Variants in KCNJ6 observed in about 807,000 individuals in gnomAD.
KCNJ6 encodes the protein potassium inwardly rectifying channel subfamily J member 6, also known as G protein-activated inward rectifier potassium channel 2.
Under a neutral mutation model 34.2 loss-of-function variants are expected in KCNJ6, and 9 were observed. The observed-to-expected ratio is 0.26, with a 90% CI of 0.16 to 0.46. KCNJ6 has a LOEUF of 0.46. Among genes scored for constraint, KCNJ6 ranks in the 20% least tolerant of loss-of-function variants. KCNJ6 has a pLI of 1.00. For synonymous variants in KCNJ6, 196 were observed against 207.1 expected (o/e 0.95, Z 0.46); for missense variants, 236 against 531.3 (o/e 0.44, Z 5.46).
At chr21:37,729,003 G>C (rs554741164) in intron 2 of KCNJ6, among the ~76,000 whole-genome samples, 7 of 152,262 alleles carry the variant, frequency 4.6e-5, no homozygotes, top group African/African-American at 1.7e-4. Context: ...GTTGTGACTA[G>C]GGGAGACTAT....
At chr21:37,705,522 C>T (rs1266455582) in intron 3 of KCNJ6, among the ~76,000 whole-genome samples, 2 of 152,190 alleles carry the variant, frequency 1.3e-5, no homozygotes, top group East Asian at 3.8e-4. Flanking sequence ...ATCATAGTGT[C>T]ACTCTCTTAA....
chr21:37,647,049 C>T (rs920702125), intron 3 of KCNJ6, among the ~76,000 whole-genome samples: 6 of 152,156 alleles, frequency 3.9e-5, no homozygotes, highest in South Asian at 4.2e-4. Context: ...ATCAGAGCGA[C>T]GGGGAGGGAT....
chr21:37,719,993 C>CTT (rs2054816203), intron 2 of KCNJ6, among the ~76,000 whole-genome samples: 1 of 151,822 alleles, frequency 6.6e-6, no homozygotes, highest in South Asian at 2.1e-4. Context: ...TTTTTAATGT[C>CTT]GTGGGGAAAA....
chr21:37,720,364 C>G (rs2054818673), intron 2 of KCNJ6, among the ~76,000 whole-genome samples: 1 of 152,106 alleles, frequency 6.6e-6, no homozygotes, highest in Admixed American at 6.5e-5. Context: ...AAAATCGTAA[C>G]TAAACCCTAC....
intron 2 of KCNJ6, among the ~76,000 whole-genome samples, chr21:37,786,444 T>A (rs2055193006): frequency 6.6e-6 from 1 of 152,206 alleles, no homozygotes; most frequent in Non-Finnish European, 1.5e-5. Context: ...ATTCCATGAA[T>A]GTGGCTTAGA....
chr21:37,798,865 A>C (rs963675725), intron 2 of KCNJ6, among the ~76,000 whole-genome samples: 2 of 152,054 alleles, frequency 1.3e-5, no homozygotes, highest in African/African-American at 4.8e-5. Flanking sequence ...CACCTAAACC[A>C]CTGAATTGTA....
chr21:37,695,930 G>A lies in KCNJ6; in HGVS notation c.946+18281C>T. ...AATGATTATGTTCAAAGGGCAAAGA[G>A]CCACTAGAAAGGGATCCCACTGGCC... On this transcript the variant is annotated intron_variant, in intron 3 of 3. Transcript: ENST00000609713. The surrounding 1 kb of genome is among the most constrained non-coding windows in gnomAD (Gnocchi z 4.2). 6.6e-6 allele frequency among the ~76,000 whole-genome samples: 1 copy of A among 152,236 alleles called. No individual in the cohort carries two copies. The highest frequency in any genetic ancestry group is 1.9e-4 in the East Asian group (1 of 5,202).
intron 2 of KCNJ6, among the ~76,000 whole-genome samples, chr21:37,836,346 C>G (rs946153272): frequency 6.6e-6 from 1 of 152,188 alleles, no homozygotes; most frequent in Admixed American, 6.5e-5. Context: ...CCTCAAGGAT[C>G]TAGAACCAGA....
chr21:37,710,139 C>T (rs1274754961), intron 3 of KCNJ6, among the ~76,000 whole-genome samples: 4 of 152,086 alleles, frequency 2.6e-5, no homozygotes, highest in African/African-American at 9.7e-5. Context: ...CATGTGTTAA[C>T]CTTATTTGTA....
At chr21:37,701,005 A>T (rs1257028868) in intron 3 of KCNJ6, among the ~76,000 whole-genome samples, 3 of 152,132 alleles carry the variant, frequency 2.0e-5, no homozygotes. Context: ...TTTCATCAAG[A>T]TATGAAATGC....
intron 3 of KCNJ6, among the ~76,000 whole-genome samples, chr21:37,711,497 C>T (rs191791244): frequency 4.7e-4 from 72 of 152,286 alleles, no homozygotes; most frequent in African/African-American, 1.5e-3. Flanking sequence ...GCTATTATCA[C>T]GGCTCCTGAT....
intron 3 of KCNJ6, among the ~76,000 whole-genome samples, chr21:37,667,789 A>G (rs1282129913): frequency 3.9e-5 from 6 of 152,000 alleles, no homozygotes; most frequent in Non-Finnish European, 8.8e-5. Context: ...ATGCCTCCAT[A>G]TATTGCCCTC....
chr21:37,683,098 A>G (rs2054597551), intron 3 of KCNJ6, among the ~76,000 whole-genome samples: 1 of 152,238 alleles, frequency 6.6e-6, no homozygotes, highest in Non-Finnish European at 1.5e-5. Context: ...GCATTCCTGG[A>G]AAAATATGTC....
At chr21:37,708,457 T>C (rs1253119468) in intron 3 of KCNJ6, among the ~76,000 whole-genome samples, 1 of 152,136 alleles carries the variant, frequency 6.6e-6, no homozygotes, top group Non-Finnish European at 1.5e-5. Context: ...TATAATGAGA[T>C]AGACATATTG....
chr21:37,808,056 C>T (rs1252559047), intron 2 of KCNJ6, among the ~76,000 whole-genome samples: 1 of 152,206 alleles, frequency 6.6e-6, no homozygotes, highest in Non-Finnish European at 1.5e-5. Flanking sequence ...AATATTTCCT[C>T]TGCAGAATTC....
chr21:37,651,176 G>A (rs764014904), intron 3 of KCNJ6, among the ~76,000 whole-genome samples: 4 of 152,186 alleles, frequency 2.6e-5, no homozygotes, highest in South Asian at 2.1e-4. Context: ...TGGCTTTCTC[G>A]ATGTCACACT....
chr21:37,873,294 T>C (rs1465335500), intron 1 of KCNJ6, among the ~76,000 whole-genome samples: 1 of 152,224 alleles, frequency 6.6e-6, no homozygotes, highest in African/African-American at 2.4e-5. Context: ...CCAAGCACGT[T>C]ACGCGAATCC....
intron 2 of KCNJ6, among the ~76,000 whole-genome samples, chr21:37,728,186 G>A (rs1181305804): frequency 6.6e-6 from 1 of 152,214 alleles, no homozygotes; most frequent in Non-Finnish European, 1.5e-5. Flanking sequence ...ATTATGCTCA[G>A]TGAAATAAGC....
At chr21:37,813,728 C>G (rs1333576512) in intron 2 of KCNJ6, among the ~76,000 whole-genome samples, 1 of 152,140 alleles carries the variant, frequency 6.6e-6, no homozygotes, top group Non-Finnish European at 1.5e-5. Flanking sequence ...GGACTCCTAT[C>G]TCTCACCATA....
Sources: allele counts gnomAD v4.1 joint callset (sites outside exome capture counted in the v4.1 genomes callset), GRCh38; gene constraint gnomAD v4.1.1; non-coding constraint Gnocchi (gnomAD v3.1); transcripts MANE v1.5; gene names NCBI Gene and HGNC (gene_info 2026-07-23, HGNC 2026-07-21).